Variants in RAB38 observed in about 807,000 individuals in gnomAD.
RAB38 encodes RAB38, member RAS oncogene family.
Under a neutral mutation model 18.4 loss-of-function variants are expected in RAB38, and 15 were observed. That is an observed-to-expected ratio of 0.82 (90% CI 0.55 to 1.26). The LOEUF is 1.26. Among genes scored for constraint, RAB38 ranks in the 50% most tolerant of loss-of-function variants. The probability of loss-of-function intolerance (pLI) is 0.00; values close to 1 mark genes in which losing one functional copy is unlikely to be tolerated. For missense variants in RAB38, 294 were observed against 267.4 expected (o/e 1.10, Z -0.69); for synonymous variants, 101 against 104.4 (o/e 0.97, Z 0.20).
the RAB38 span, among the ~76,000 whole-genome samples, chr11:88,060,651 A>G: frequency 2.6e-5 from 4 of 152,152 alleles, no homozygotes; most frequent in Non-Finnish European, 5.9e-5. Flanking sequence ...ATCTTGGCAC[A>G]TTTGGGGCCA....
the RAB38 span, among the ~76,000 whole-genome samples, chr11:88,026,679 T>C: frequency 1.3e-5 from 2 of 151,928 alleles, no homozygotes; most frequent in African/African-American, 4.8e-5. Context: ...CACCCGGCCG[T>C]TTTCTTCTAA....
the RAB38 span, among the ~76,000 whole-genome samples, chr11:88,044,799 C>T: frequency 6.6e-6 from 1 of 151,990 alleles, no homozygotes; most frequent in African/African-American, 2.4e-5. Context: ...TTCTACAGAC[C>T]CATCTGACCT....
At chr11:87,908,493 G>C in the RAB38 span, among the ~76,000 whole-genome samples, 1 of 151,940 alleles carries the variant, frequency 6.6e-6, no homozygotes, top group Non-Finnish European at 1.5e-5. Context: ...ATGTTCAACA[G>C]AACACACTGA....
the RAB38 span, among the ~76,000 whole-genome samples, chr11:87,858,095 T>TC: frequency 6.6e-6 from 1 of 152,332 alleles, no homozygotes; most frequent in South Asian, 2.1e-4. Flanking sequence ...TAGCCAGTTT[T>TC]CCCAGCACCA....
At chr11:87,948,118 G>A in the RAB38 span, among the ~76,000 whole-genome samples, 2 of 152,138 alleles carry the variant, frequency 1.3e-5, no homozygotes, top group Non-Finnish European at 2.9e-5. Context: ...CACGTCCCTT[G>A]TAAGTTGGAT....
rs146840876 is a variant in RAB38 at position 88,149,708 on chromosome 11, G to C, written c.450C>G (p.His150Gln). 3.7e-5 allele frequency: 60 copies of C among 1,613,200 alleles called. No homozygotes were observed. In the African/African-American group the frequency reaches 7.9e-4, roughly 21 times the overall value. ...ATGTTTCAAACCATCCTACGAAACCGTGCTCCTTGCAGAACTGGTCCATCT... is the reference window on the plus strand; with the variant it reads ...ATGTTTCAAACCATCCTACGAAACCCTGCTCCTTGCAGAACTGGTCCATCT... ...GLKMDQFCKE[H>Q]GFVGWFETSA... is the part of the protein sequence containing the mutation. Residue 150 changes from histidine to glutamine, a missense_variant, in exon 2 of 3, where the codon CAC becomes CAG. By Grantham distance (24) the His-to-Gln change is conservative. Transcript: ENST00000243662.
chr11:88,099,101 C>A, the RAB38 span, among the ~76,000 whole-genome samples: 1 of 151,792 alleles, frequency 6.6e-6, no homozygotes, highest in Admixed American at 6.6e-5. Context: ...GCTCTTTAAT[C>A]ATTTCTGTTT....
chr11:88,068,189 T>C, the RAB38 span, among the ~76,000 whole-genome samples: 1 of 152,004 alleles, frequency 6.6e-6, no homozygotes, highest in African/African-American at 2.4e-5. Flanking sequence ...GAATCAGGAC[T>C]AGACCAGTGG....
chr11:88,048,760 TTC>T, the RAB38 span, among the ~76,000 whole-genome samples: 1 of 152,124 alleles, frequency 6.6e-6, no homozygotes, highest in Admixed American at 6.6e-5. Flanking sequence ...TTTACACTGT[TTC>T]TCCAAGCCTT....
the RAB38 span, among the ~76,000 whole-genome samples, chr11:87,951,006 G>A: frequency 2.0e-5 from 3 of 152,136 alleles, no homozygotes; most frequent in African/African-American, 7.2e-5. Flanking sequence ...CATTCTCCCT[G>A]TCACTTTCAG....
the RAB38 span, among the ~76,000 whole-genome samples, chr11:88,044,994 G>A: frequency 3.0e-4 from 46 of 152,234 alleles, no homozygotes; most frequent in East Asian, 7.7e-3. Context: ...AAAGATGGCT[G>A]GAGCTAAAGG....
At chr11:87,920,557 A>T in the RAB38 span, among the ~76,000 whole-genome samples, 32 of 152,172 alleles carry the variant, frequency 2.1e-4, no homozygotes, top group African/African-American at 7.7e-4. Flanking sequence ...GTGGTTTAAT[A>T]TATGATCTAT....
the RAB38 span, among the ~76,000 whole-genome samples, chr11:87,963,149 A>G: frequency 6.6e-6 from 1 of 152,214 alleles, no homozygotes; most frequent in Admixed American, 6.5e-5. Flanking sequence ...AAACTGTAAC[A>G]GTATATTAAT....
chr11:87,940,735 C>T, the RAB38 span, among the ~76,000 whole-genome samples: 4 of 152,008 alleles, frequency 2.6e-5, no homozygotes, highest in Non-Finnish European at 5.9e-5. Flanking sequence ...CCTCTGCCTC[C>T]TGGGATCAAC....
chr11:88,127,985 C>T (rs1006211531), intron 2 of RAB38, among the ~76,000 whole-genome samples: 4 of 152,130 alleles, frequency 2.6e-5, no homozygotes, highest in African/African-American at 9.7e-5. Context: ...GTAGTGCTTA[C>T]AATGTAATTT....
chr11:88,053,095 T>A, the RAB38 span, among the ~76,000 whole-genome samples: 3,599 of 37,908 alleles, frequency 0.095, 2 homozygotes, highest in Middle Eastern at 0.13. Context: ...GAATATATAT[T>A]ATATATATAC....
intron 1 of RAB38, among the ~76,000 whole-genome samples, chr11:88,151,025 A>C (rs1320697552): frequency 6.6e-6 from 1 of 151,970 alleles, no homozygotes; most frequent in Non-Finnish European, 1.5e-5. Flanking sequence ...ACACTAAATA[A>C]GTTTTGTTGT....
chr11:88,076,126 A>C, the RAB38 span, among the ~76,000 whole-genome samples: 1 of 151,982 alleles, frequency 6.6e-6, no homozygotes, highest in African/African-American at 2.4e-5. Flanking sequence ...ATCAGAAATG[A>C]GAAAAGAGAT....
At chr11:87,964,514 G>C in the RAB38 span, among the ~76,000 whole-genome samples, 443 of 152,170 alleles carry the variant, frequency 2.9e-3, 5 homozygotes, top group South Asian at 0.037. Flanking sequence ...TGTGGAAATA[G>C]ACTTCAGTTC....
Sources: gnomAD v4.1 joint callset for allele counts (sites outside exome capture counted in the v4.1 genomes callset) on GRCh38, gnomAD v4.1.1 for gene constraint, MANE v1.5 for transcripts, NCBI Gene and HGNC (gene_info 2026-07-23, HGNC 2026-07-21) for gene names.